Variants in SCN3B observed in about 807,000 individuals in gnomAD.
SCN3B encodes sodium voltage-gated channel beta subunit 3.
A neutral mutation model predicts 25.4 loss-of-function variants in SCN3B; 11 were observed. The ratio of observed to expected loss-of-function variants is 0.43; its 90% confidence interval spans 0.27 to 0.72. The LOEUF (loss-of-function observed/expected upper bound fraction) is 0.72. SCN3B is among the 30% of genes least tolerant of loss of function. The probability of loss-of-function intolerance (pLI) is 0.18; values close to 1 mark genes in which losing one functional copy is unlikely to be tolerated. For synonymous variants in SCN3B, 109 were observed against 110.7 expected, an observed-to-expected ratio of 0.99 and a Z score of 0.09; for missense variants, 218 against 278.3, an observed-to-expected ratio of 0.78 and a Z score of 1.54.
chr11:123,634,071 A>G, intron 6 of SCN3B, 50 bp downstream of exon 6: 2 of 1,443,610 alleles, frequency 1.4e-6, no homozygotes, highest in South Asian at 2.3e-5. Flanking sequence ...AGTCACTTGT[A>G]CAACCTGCCA....
chr11:123,635,921 A>C (rs1451855526), intron 5 of SCN3B, among the ~76,000 whole-genome samples: 5 of 152,158 alleles, frequency 3.3e-5, no homozygotes, highest in Non-Finnish European at 7.4e-5. Flanking sequence ...GGTTAAGACT[A>C]TTTTTGGCTA....
rs1302837216 is a variant in SCN3B, at chr11:123,635,411, G to A, written c.585-1205C>T. 3.9e-5 allele frequency among the ~76,000 whole-genome samples: 6 copies of A among 152,076 alleles called. No homozygotes were observed. The East Asian group carries it at 1.2e-3, about 29-fold the overall frequency. On this transcript the variant is annotated intron_variant, in intron 5 of 6. Transcript: ENST00000299333. ...GTAAGAAACCTTCATCTGGCTGGGC[G>A]CAGTGGCTCACACCTGTAATCCCAG...
Position 123,630,745 on chromosome 11 carries a change from G to A in SCN3B, c.*3054C>T, listed in dbSNP as rs1955661247. 1 of 152,222 alleles carries A rather than the reference G, an allele frequency of 6.6e-6. No individual in the cohort carries two copies. The highest frequency in any genetic ancestry group is 2.4e-5 in the African/African-American group (1 of 41,440). The allele number at this position is 152,222 out of a possible 1,614,324, so 9.4% of individuals were successfully genotyped here. ...ATAGGACTGACTCTCAAAGCACATT[G>A]CTAGCATCCACCAAAAAGCAAAGTG... is the stretch of plus-strand genomic sequence containing the variant. On this transcript the variant is annotated 3_prime_UTR_variant, in exon 7 of 7. Transcript: ENST00000299333.
At chr11:123,652,295 G>C (rs935527879) in intron 2 of SCN3B, among the ~76,000 whole-genome samples, 1 of 152,166 alleles carries the variant, frequency 6.6e-6, no homozygotes, top group Non-Finnish European at 1.5e-5. Context: ...ACATATTATA[G>C]CTGCTCCATC....
chr11:123,645,783 A>G lies in SCN3B; in HGVS notation c.56-33T>C. On this transcript the variant is annotated intron_variant, in intron 2 of 6. Coordinates refer to ENST00000299333, the MANE Select transcript of SCN3B (RefSeq NM_001040151.2). ...GAGGACAGATGGACAGGGAAGGAAC[A>G]GCAGGTGGTGGGGGAGGGGCACAGG... 1.9e-6 allele frequency: 3 copies of G among 1,612,538 alleles called. No individual in the cohort carries two copies. In the South Asian group the frequency reaches 3.3e-5, roughly 18 times the overall value.
chr11:123,650,825 C>T (rs1456620596), intron 2 of SCN3B, among the ~76,000 whole-genome samples: 1 of 152,170 alleles, frequency 6.6e-6, no homozygotes, highest in East Asian at 1.9e-4. Context: ...AGCACTCTTT[C>T]CCCTGACTAC....
In SCN3B at chr11:123,630,366, G is replaced by C. The variant is rs949822608; in HGVS notation, c.*3433C>G. 1 of 152,622 alleles carries C rather than the reference G, an allele frequency of 6.6e-6. No homozygotes were observed. Among genetic ancestry groups the C allele is most frequent in the Non-Finnish European group, 1.5e-5 (1 of 68,046 alleles). The allele number at this position is 152,622 out of a possible 1,614,324, so 9.5% of individuals were successfully genotyped here. On this transcript the variant is annotated 3_prime_UTR_variant, in exon 7 of 7. Transcript: ENST00000299333. ...TGAAGTAGTAAGAATGGGAAAATCAGATTGAGCCAAGCTTGGCCTTTAGTG... is the reference window on the plus strand; with the variant it reads ...TGAAGTAGTAAGAATGGGAAAATCACATTGAGCCAAGCTTGGCCTTTAGTG...
intron 4 of SCN3B, chr11:123,639,810 A>G (rs962326589): frequency 2.0e-5 from 3 of 152,232 alleles, no homozygotes; most frequent in African/African-American, 7.2e-5. Context: ...TAGAATATTT[A>G]AAGTGCTCAA....
At chr11:123,651,315 T>C (rs925179673) in intron 2 of SCN3B, among the ~76,000 whole-genome samples, 4 of 152,204 alleles carry the variant, frequency 2.6e-5, no homozygotes, top group East Asian at 1.9e-4. Flanking sequence ...TTGTTCAATA[T>C]TGGAATTGCA....
rs377738785 is a variant in SCN3B at position 123,645,560 on chromosome 11, A to C, written c.219+27T>G. The C allele has an allele frequency of 3.1e-6, 5 of 1,613,290 alleles. No individual in the cohort carries two copies. In the African/African-American group the frequency reaches 6.7e-5, roughly 22 times the overall value. On this transcript the variant is annotated intron_variant, in intron 3 of 6. Transcript: ENST00000299333. ...GGGAACAGCAGAGGCCAGCAGAAGAAAGGCCAGAGTCAGCAGTCTAACATA... is the reference window on the plus strand; with the variant it reads ...GGGAACAGCAGAGGCCAGCAGAAGACAGGCCAGAGTCAGCAGTCTAACATA...
chr11:123,639,134 C>T (rs768426912), intron 4 of SCN3B: 1 of 152,456 alleles, frequency 6.6e-6, no homozygotes, highest in Non-Finnish European at 1.5e-5. Flanking sequence ...TTTCTCACCT[C>T]ATTTCCATTT....
chr11:123,649,152 A>G (rs1014846750), intron 2 of SCN3B, among the ~76,000 whole-genome samples: 2 of 152,248 alleles, frequency 1.3e-5, no homozygotes, highest in Non-Finnish European at 2.9e-5. Flanking sequence ...GTTTGAAAGA[A>G]ATGAAATGCA....
rs773578465 is a variant in SCN3B, at chr11:123,647,480, G to GA, written c.56-1731dup. On this transcript the variant is annotated intron_variant, in intron 2 of 6. Transcript: ENST00000299333. ...TTGACAGAGTAAGACCCTATCTCTTGAAAAAATAAAAACAACATGATGGTC... is the reference window on the plus strand; with the variant it reads ...TTGACAGAGTAAGACCCTATCTCTTGAAAAAAATAAAAACAACATGATGGTC... 8.6e-4 allele frequency among the ~76,000 whole-genome samples: 130 copies of GA among 151,800 alleles called. No homozygotes were observed. In the East Asian group the frequency reaches 0.015, roughly 18 times the overall value.
At chr11:123,653,127 G>A (rs1240930683) in intron 2 of SCN3B, among the ~76,000 whole-genome samples, 1 of 151,020 alleles carries the variant, frequency 6.6e-6, no homozygotes, top group Non-Finnish European at 1.5e-5. Flanking sequence ...TAGTTCCACA[G>A]GTTCATGCAA....
In SCN3B at chr11:123,642,619, C is replaced by A. The variant is rs756913203; in HGVS notation, c.272G>T (p.Arg91Leu). 1.2e-6 allele frequency: 2 copies of A among 1,614,052 alleles called. No homozygotes were observed. The highest frequency in any genetic ancestry group is 8.5e-7 in the Non-Finnish European group (1 of 1,180,044). Reference protein sequence around the residue: ...HQEVESPFQGRLQWNGSKDLQ... With the variant: ...HQEVESPFQGLLQWNGSKDLQ... ...GTCCTTGCTGCCATTCCACTGCAGG[C>A]GCCCCTGAAAGGGGCTCTCCACCTC... is the stretch of plus-strand genomic sequence containing the variant. The change falls in exon 4 of 7, where the codon CGC (arginine) becomes CTC (leucine). Residue 91 changes from arginine to leucine, a missense_variant. Arg to Leu is a moderately radical substitution (Grantham distance 102). Coordinates refer to ENST00000299333, the MANE Select transcript of SCN3B (RefSeq NM_001040151.2). The surrounding 1 kb of genome is among the most constrained non-coding windows in gnomAD (Gnocchi z 4.3).
chr11:123,635,066 G>A (rs887800127), intron 5 of SCN3B, among the ~76,000 whole-genome samples: 6 of 152,352 alleles, frequency 3.9e-5, no homozygotes, highest in African/African-American at 1.4e-4. Context: ...TGGTGATAAA[G>A]AGAGTCTCTT....
chr11:123,642,460 C>A lies in SCN3B; in HGVS notation c.431G>T (p.Arg144Ile), dbSNP rs1955803347. 6.2e-7 allele frequency: 1 copy of A among 1,614,144 alleles called. No individual in the cohort carries two copies. Among genetic ancestry groups the A allele is most frequent in the Non-Finnish European group, 8.5e-7 (1 of 1,180,038 alleles). ...FVKTTRLIPL[R>I]VTEEAGEDFT... is the part of the protein sequence containing the mutation. ...CTCAGCCTCACCCTCCTCGGTGACTCTTAGGGGGATCAGCCGCGTCGTCTT... is the reference window on the plus strand; with the variant it reads ...CTCAGCCTCACCCTCCTCGGTGACTATTAGGGGGATCAGCCGCGTCGTCTT... Residue 144 changes from arginine to isoleucine, a missense_variant, in exon 4 of 7, where the codon AGA (arginine) becomes ATA (isoleucine). Coordinates refer to ENST00000299333, the MANE Select transcript of SCN3B (RefSeq NM_001040151.2). The surrounding 1 kb of genome is among the most constrained non-coding windows in gnomAD (Gnocchi z 4.3).
In SCN3B at chr11:123,632,649, G is replaced by C. The variant is rs373675869; in HGVS notation, c.*1150C>G. The stretch of plus-strand genomic sequence containing the variant: ...CTAAAAATACAAAATTTAGCCAGGC[G>C]TGGTGGTGCACACCTGTAATCCCAG... On this transcript the variant is annotated 3_prime_UTR_variant, in exon 7 of 7. Transcript: ENST00000299333. 53 of 152,150 alleles carry C rather than the reference G, an allele frequency of 3.5e-4. No homozygotes were observed. The highest frequency in any genetic ancestry group is 1.2e-3 in the African/African-American group (49 of 41,464). 9.4% of individuals were successfully genotyped at this position (152,150 alleles called of 1,614,324 possible). A position where few individuals can be genotyped will look rare whatever the true frequency, so the allele number is the denominator to read the frequency against.
intron 5 of SCN3B, among the ~76,000 whole-genome samples, chr11:123,634,897 A>G (rs1408360877): frequency 6.6e-6 from 1 of 152,062 alleles, no homozygotes; most frequent in Non-Finnish European, 1.5e-5. Flanking sequence ...TGATGCTTTC[A>G]TGTTTTGACA....
Sources: allele counts gnomAD v4.1 joint callset (sites outside exome capture counted in the v4.1 genomes callset), GRCh38; gene constraint gnomAD v4.1.1; non-coding constraint Gnocchi (gnomAD v3.1); transcripts MANE v1.5; gene names NCBI Gene and HGNC (gene_info 2026-07-23, HGNC 2026-07-21).